MUSTN1: variants seen among roughly 807,000 people sequenced by gnomAD.
MUSTN1 encodes musculoskeletal embryonic nuclear protein 1.
In MUSTN1, 14 loss-of-function variants were observed where a neutral mutation model predicts 11.8. That is an observed-to-expected ratio of 1.18 (90% CI 0.78 to 1.85). The LOEUF is 1.85. Ranked by LOEUF, MUSTN1 falls within the 40% of genes most tolerant of loss-of-function variation. The pLI, the probability that MUSTN1 is intolerant of heterozygous loss-of-function variation, is 0.00. For synonymous variants in MUSTN1, 42 were observed against 43.3 expected (o/e 0.97, Z 0.12); for missense variants, 111 against 108.8 (o/e 1.02, Z -0.09).
chr3:52,834,306 G>C (rs1700653644), intron 1 of MUSTN1, among the ~76,000 whole-genome samples: 3 of 152,120 alleles, frequency 2.0e-5, no homozygotes, highest in African/African-American at 4.8e-5. Context: ...AGGCTGGTCT[G>C]TCCCTCCAGG....
rs1217669121 is a variant in MUSTN1 at position 52,833,201 on chromosome 3, G to A, written c.*123C>T. ...AGCCCTTGGCTGAAGGGCCTGGACT[G>A]TGGGGGAGGGTGGCAGCCCCAGAGA... On this transcript the variant is annotated 3_prime_UTR_variant, in exon 3 of 3. Transcript: ENST00000446157. 7.0e-7 allele frequency: 1 copy of A among 1,420,476 alleles called. No homozygotes were observed. Among genetic ancestry groups the A allele is most frequent in the South Asian group, 1.2e-5 (1 of 81,780 alleles). The allele number at this position is 1,420,476 out of a possible 1,614,324, so 88.0% of individuals were successfully genotyped here. A position where few individuals can be genotyped will look rare whatever the true frequency, so the allele number is the denominator to read the frequency against.
chr3:52,834,706 C>T lies in MUSTN1; in HGVS notation c.9+234G>A, dbSNP rs562579659. On this transcript the variant is annotated intron_variant, in intron 1 of 2. Transcript: ENST00000446157. ...CATGCAAAGATCTATCTAGGCCCCC[C>T]CCACCCCCAACATTTCTCTCCACTC... is the stretch of plus-strand genomic sequence containing the variant. 1.5e-5 allele frequency: 10 copies of T among 659,776 alleles called. No homozygotes were observed. The South Asian group carries it at 1.5e-4, about 10-fold the overall frequency. 40.9% of individuals were successfully genotyped at this position (659,776 alleles called of 1,614,324 possible).
At chr3:52,833,816 C>A (rs1450582167) in intron 1 of MUSTN1, 67 bp from the exon 2 acceptor site, 6 of 1,534,526 alleles carry the variant, frequency 3.9e-6, no homozygotes, top group Non-Finnish European at 4.4e-6. Context: ...TACCTCTGTG[C>A]CTTGGCCAAG....
At chr3:52,834,689 GATCT>G (rs1373779313) in intron 1 of MUSTN1, 73 of 579,592 alleles carry the variant, frequency 1.3e-4, no homozygotes, top group South Asian at 1.1e-3. Context: ...CACATGCAAA[GATCT>G]ATCTAGGCCC....
chr3:52,833,479 A>C (rs773788516), intron 2 of MUSTN1, 49 bp from the exon 3 acceptor site: 1 of 1,597,824 alleles, frequency 6.3e-7, no homozygotes, highest in South Asian at 1.1e-5. Context: ...CTGGGAGGGA[A>C]GATCCCTTAC....
At chr3:52,833,856 C>A (rs2106637364) in intron 1 of MUSTN1, 107 bp from the exon 2 acceptor site, 3 of 1,470,226 alleles carry the variant, frequency 2.0e-6, no homozygotes, top group East Asian at 2.5e-5. Context: ...TAAACCCAAG[C>A]CTATTCAAGG....
Position 52,833,678 on chromosome 3 carries a change from T to C in MUSTN1, c.81A>G (p.Arg27=), listed in dbSNP as rs1162929070. The change falls in exon 2 of 3, where the codon CGA becomes CGG. Residue 27 remains arginine (R), a synonymous_variant. Coordinates refer to ENST00000446157, the MANE Select transcript of MUSTN1 (RefSeq NM_205853.4). ...PVKDEDLKGA[R]GNLTKNQEIK... ...TTTCCTGGTTCTTGGTCAGGTTTCC[T>C]CGGGCCCCCTTCAGGTCCTCGTCCT... The C allele has an allele frequency of 4.4e-6, 7 of 1,603,814 alleles. No homozygotes were observed. The highest frequency in any genetic ancestry group is 6.0e-6 in the Non-Finnish European group (7 of 1,175,280).
chr3:52,833,138 G>C lies in MUSTN1; in HGVS notation c.*186C>G. On this transcript the variant is annotated 3_prime_UTR_variant, in exon 3 of 3. Transcript: ENST00000446157. ...CCTTCTGATTGCTGGGGCCACGTGGGCATCCTCTTTATTGGTGCTTCCAAG... is the reference window on the plus strand; with the variant it reads ...CCTTCTGATTGCTGGGGCCACGTGGCCATCCTCTTTATTGGTGCTTCCAAG... The C allele has an allele frequency of 1.2e-6, 1 of 863,104 alleles. No individual in the cohort carries two copies. The highest frequency in any genetic ancestry group is 2.6e-5 in the East Asian group (1 of 37,956). The allele number at this position is 863,104 out of a possible 1,614,324, so 53.5% of individuals were successfully genotyped here. A position where few individuals can be genotyped will look rare whatever the true frequency, so the allele number is the denominator to read the frequency against.
rs752721276 is a variant in MUSTN1, at chr3:52,833,203, G to C, written c.*121C>G. The C allele has an allele frequency of 2.0e-5, 29 of 1,427,026 alleles. No homozygotes were observed. The highest frequency in any genetic ancestry group is 2.8e-5 in the Non-Finnish European group (29 of 1,037,890). The allele number at this position is 1,427,026 out of a possible 1,614,324, so 88.4% of individuals were successfully genotyped here. A position where few individuals can be genotyped will look rare whatever the true frequency, so the allele number is the denominator to read the frequency against. ...CCCTTGGCTGAAGGGCCTGGACTGTGGGGGAGGGTGGCAGCCCCAGAGACA... is the reference window on the plus strand; with the variant it reads ...CCCTTGGCTGAAGGGCCTGGACTGTCGGGGAGGGTGGCAGCCCCAGAGACA... On this transcript the variant is annotated 3_prime_UTR_variant, in exon 3 of 3. Transcript: ENST00000446157.
Position 52,833,168 on chromosome 3 carries a change from T to A in MUSTN1, c.*156A>T. The A allele has an allele frequency of 9.1e-7, 1 of 1,101,552 alleles. No individual in the cohort carries two copies. Among genetic ancestry groups the A allele is most frequent in the Non-Finnish European group, 1.3e-6 (1 of 745,524 alleles). The allele number at this position is 1,101,552 out of a possible 1,614,324, so 68.2% of individuals were successfully genotyped here. A position where few individuals can be genotyped will look rare whatever the true frequency, so the allele number is the denominator to read the frequency against. On this transcript the variant is annotated 3_prime_UTR_variant, in exon 3 of 3. Coordinates refer to ENST00000446157, the MANE Select transcript of MUSTN1 (RefSeq NM_205853.4). ...CTCTTTATTGGTGCTTCCAAGGTGC[T>A]GGTGCAGAGCCCTTGGCTGAAGGGC...
chr3:52,834,653 C>CACACACACACA (rs202115061), intron 1 of MUSTN1: 2 of 433,504 alleles, frequency 4.6e-6, no homozygotes, highest in African/African-American at 1.1e-4. Flanking sequence ...CACACAGATG[C>CACACACACACA]GCACACACAC....
In MUSTN1 at chr3:52,833,761, A is replaced by C. The variant is rs534325868; in HGVS notation, c.10-12T>G. On this transcript the variant is annotated splice_polypyrimidine_tract_variant and intron_variant, in intron 1 of 2. Transcript: ENST00000446157. ...TCCTGAGCACCAGCCTTGGAGATCC[A>C]AGAGCCTCATCTTACTACCTGAAGC... The C allele has an allele frequency of 1.9e-6, 3 of 1,572,236 alleles. No homozygotes were observed. The East Asian group carries it at 7.0e-5, about 37-fold the overall frequency.
intron 1 of MUSTN1, 50 bp from the exon 2 acceptor site, chr3:52,833,799 G>T: frequency 6.5e-7 from 1 of 1,548,440 alleles, no homozygotes. Context: ...CGGTAGAAAG[G>T]CACACCTACC....
chr3:52,833,517 A>T, intron 2 of MUSTN1, 87 bp from the exon 3 acceptor site: 1 of 1,587,050 alleles, frequency 6.3e-7, no homozygotes, highest in East Asian at 2.3e-5. Flanking sequence ...TGAACCCAGG[A>T]ATACTGGATT....
rs1700638339 is a variant in MUSTN1 at position 52,833,646 on chromosome 3, G to A, written c.113C>T (p.Ser38Phe). ...CTCTCGCATGACCTGGTAGGTCTTG[G>A]ACTTGATTTCCTGGTTCTTGGTCAG... is the stretch of plus-strand genomic sequence containing the variant. ...GNLTKNQEIK[S>F]KTYQVMRECE... The change falls in exon 2 of 3, where the codon TCC (serine) becomes TTC (phenylalanine). Residue 38 changes from serine to phenylalanine, a missense_variant. Transcript: ENST00000446157. The A allele has an allele frequency of 3.1e-6, 5 of 1,609,700 alleles. No individual in the cohort carries two copies. In the African/African-American group the frequency reaches 6.7e-5, roughly 22 times the overall value.
chr3:52,833,608 G>A lies in MUSTN1; in HGVS notation c.142+9C>T, dbSNP rs1192378725. 2 of 1,610,576 alleles carry A rather than the reference G, an allele frequency of 1.2e-6. No individual in the cohort carries two copies. Among genetic ancestry groups the A allele is most frequent in the Non-Finnish European group, 1.7e-6 (2 of 1,178,396 alleles). On this transcript the variant is annotated intron_variant, in intron 2 of 2. Transcript: ENST00000446157. The stretch of plus-strand genomic sequence containing the variant: ...CATCCCCAGCCCCAGATGGCATGAG[G>A]ACACTCACCACACTCTCGCATGACC...
chr3:52,833,643 T>A lies in MUSTN1; in HGVS notation c.116A>T (p.Lys39Met). Residue 39 changes from lysine to methionine, a missense_variant, in exon 2 of 3, where the codon AAG becomes ATG. Coordinates refer to ENST00000446157, the MANE Select transcript of MUSTN1 (RefSeq NM_205853.4). ...NLTKNQEIKS[K>M]TYQVMRECEQ... ...ACACTCTCGCATGACCTGGTAGGTC[T>A]TGGACTTGATTTCCTGGTTCTTGGT... is the stretch of plus-strand genomic sequence containing the variant. 1 of 1,609,986 alleles carries A rather than the reference T, an allele frequency of 6.2e-7. No homozygotes were observed. Among genetic ancestry groups the A allele is most frequent in the Non-Finnish European group, 8.5e-7 (1 of 1,178,164 alleles).
intron 1 of MUSTN1, 62 bp downstream of exon 1, chr3:52,834,878 G>A: frequency 6.3e-7 from 1 of 1,596,782 alleles, no homozygotes; most frequent in Non-Finnish European, 8.6e-7. Context: ...AGAGCCGAAA[G>A]TGTCCAGGAC....
Position 52,833,159 on chromosome 3 carries a change from C to T in MUSTN1, c.*165G>A, listed in dbSNP as rs1404409013. On this transcript the variant is annotated 3_prime_UTR_variant, in exon 3 of 3. Transcript: ENST00000446157. ...GTGGGCATCCTCTTTATTGGTGCTT[C>T]CAAGGTGCTGGTGCAGAGCCCTTGG... 1 of 1,043,352 alleles carries T rather than the reference C, an allele frequency of 9.6e-7. No individual in the cohort carries two copies. The highest frequency in any genetic ancestry group is 1.3e-5 in the South Asian group (1 of 74,294). 64.6% of individuals were successfully genotyped at this position (1,043,352 alleles called of 1,614,324 possible).
Sources: gnomAD v4.1 joint callset for allele counts (sites outside exome capture counted in the v4.1 genomes callset) on GRCh38, gnomAD v4.1.1 for gene constraint, MANE v1.5 for transcripts, NCBI Gene and HGNC (gene_info 2026-07-23, HGNC 2026-07-21) for gene names.